Variants in RERE observed in about 807,000 individuals in gnomAD.
RERE encodes arginine-glutamic acid dipeptide repeats.
In RERE, 40 loss-of-function variants were observed where a neutral mutation model predicts 146.1. The observed-to-expected ratio is 0.27, with a 90% CI of 0.21 to 0.36. The LOEUF (loss-of-function observed/expected upper bound fraction) is 0.36. Ranked by LOEUF, RERE falls within the 10% of genes least tolerant of loss-of-function variation. The pLI, the probability that RERE is intolerant of heterozygous loss-of-function variation, is 1.00. For synonymous variants in RERE, 1,003 were observed against 866.0 expected (o/e 1.16, Z -2.78); for missense variants, 1,933 against 2,138.7 (o/e 0.90, Z 1.90).
At chr1:8,651,668 G>A (rs549179343) in intron 2 of RERE, among the ~76,000 whole-genome samples, 1 of 151,766 alleles carries the variant, frequency 6.6e-6, no homozygotes, top group Non-Finnish European at 1.5e-5. Context: ...CAAGGCTGCA[G>A]TGAGCTGTGA....
intron 4 of RERE, among the ~76,000 whole-genome samples, chr1:8,567,467 T>C (rs1002312183): frequency 6.6e-6 from 1 of 152,214 alleles, no homozygotes; most frequent in African/African-American, 2.4e-5. Context: ...TGGGCAATAA[T>C]TTCAAAACCA....
Position 8,352,896 on chromosome 1 carries a change from G to C in RERE, c.*2191C>G, listed in dbSNP as rs575919740. 2.4e-4 allele frequency: 37 copies of C among 152,714 alleles called. No individual in the cohort carries two copies. The highest frequency in any genetic ancestry group is 8.7e-4 in the African/African-American group (36 of 41,568). 9.5% of individuals were successfully genotyped at this position (152,714 alleles called of 1,614,324 possible). On this transcript the variant is annotated 3_prime_UTR_variant, in exon 23 of 23. Transcript: ENST00000400908. ...ACGGCTTTCAAGCACAGACCTCAGA[G>C]GACTCGACTCTTCTTTGGAAAAATG...
In RERE at chr1:8,365,729, C is replaced by T. The variant is rs534021942; in HGVS notation, c.1447+83G>A. The T allele has an allele frequency of 2.1e-5, 31 of 1,495,032 alleles. No individual in the cohort carries two copies. The South Asian group carries it at 3.5e-4, about 17-fold the overall frequency. 92.6% of individuals were successfully genotyped at this position (1,495,032 alleles called of 1,614,324 possible). On this transcript the variant is annotated intron_variant, in intron 13 of 22. Transcript: ENST00000400908. ...ACCCCCTCATGCTTCCCGGAGCCAT[C>T]AGCTCCTACGGGCCCAGAGTGGGAC...
intron 1 of RERE, among the ~76,000 whole-genome samples, chr1:8,785,260 A>G (rs1052084050): frequency 6.6e-6 from 1 of 152,228 alleles, no homozygotes; most frequent in African/African-American, 2.4e-5. Flanking sequence ...ATGGATTTTG[A>G]TAACAGCAGA....
chr1:8,524,322 G>C (rs572843404), intron 7 of RERE, among the ~76,000 whole-genome samples: 2 of 152,194 alleles, frequency 1.3e-5, no homozygotes, highest in East Asian at 1.9e-4. Context: ...TCCCAAAATT[G>C]AATCTGTAAG....
chr1:8,408,142 T>C (rs1643504524), intron 12 of RERE, among the ~76,000 whole-genome samples: 1 of 151,974 alleles, frequency 6.6e-6, no homozygotes, highest in South Asian at 2.1e-4. Flanking sequence ...AAAGTGACTC[T>C]ACTAGGTTGA....
chr1:8,607,534 C>CTTTTTTTTTTTTTTTTTTTTTA, intron 4 of RERE, among the ~76,000 whole-genome samples: 1 of 48,584 alleles, frequency 2.1e-5, no homozygotes. Flanking sequence ...ATATATATTT[C>CTTTTTTTTTTTTTTTTTTTTTA]TTTTTTTTTT....
chr1:8,735,423 T>C (rs1640175585), intron 1 of RERE, among the ~76,000 whole-genome samples: 1 of 152,248 alleles, frequency 6.6e-6, no homozygotes, highest in Non-Finnish European at 1.5e-5. Context: ...CACACACATA[T>C]ATGTACATCT....
chr1:8,456,803 GCT>G, intron 11 of RERE, among the ~76,000 whole-genome samples: 1 of 152,096 alleles, frequency 6.6e-6, no homozygotes, highest in Non-Finnish European at 1.5e-5. Context: ...TATCTGCAAG[GCT>G]AGCTTCCTCA....
At chr1:8,554,666 G>C (rs907011093) in intron 6 of RERE, among the ~76,000 whole-genome samples, 1 of 121,356 alleles carries the variant, frequency 8.2e-6, no homozygotes, top group Non-Finnish European at 1.6e-5. Flanking sequence ...ACAACAGAGC[G>C]AGATCCTGTC....
intron 20 of RERE, 29 bp downstream of exon 20, chr1:8,358,167 T>C: frequency 9.0e-6 from 14 of 1,563,316 alleles, no homozygotes; most frequent in Non-Finnish European, 1.1e-5. Context: ...CCCGTGCCTC[T>C]GTCCCACCTG....
At chr1:8,575,561 ATTTT>A (rs57463625) in intron 4 of RERE, among the ~76,000 whole-genome samples, 52 of 98,654 alleles carry the variant, frequency 5.3e-4, no homozygotes, top group African/African-American at 1.7e-3. Flanking sequence ...ATATATATAT[ATTTT>A]TTTTTTTTTT....
chr1:8,750,602 A>C (rs1640513013), intron 1 of RERE: 10 of 994,884 alleles, frequency 1.0e-5, no homozygotes, highest in Non-Finnish European at 1.4e-5. Context: ...GCACTATCAC[A>C]AGGAATATAG....
chr1:8,739,383 T>C (rs1347562423), intron 1 of RERE, among the ~76,000 whole-genome samples: 3 of 152,114 alleles, frequency 2.0e-5, no homozygotes, highest in Non-Finnish European at 4.4e-5. Flanking sequence ...GAAAGTTGTT[T>C]GTGGGAGAGT....
At chr1:8,509,340 G>A (rs2124301700) in intron 7 of RERE, among the ~76,000 whole-genome samples, 1 of 152,164 alleles carries the variant, frequency 6.6e-6, no homozygotes, top group Middle Eastern at 3.4e-3. Flanking sequence ...ATCTCAGGGT[G>A]CCCTACCATA....
chr1:8,634,026 G>C (rs1289495396), intron 2 of RERE, among the ~76,000 whole-genome samples: 1 of 152,072 alleles, frequency 6.6e-6, no homozygotes, highest in East Asian at 1.9e-4. Context: ...ATAACCACCA[G>C]GGTCACACAA....
At chr1:8,470,456 T>A (rs1429854889) in intron 10 of RERE, among the ~76,000 whole-genome samples, 2 of 151,974 alleles carry the variant, frequency 1.3e-5, no homozygotes, top group Non-Finnish European at 2.9e-5. Context: ...AGAGATGGGG[T>A]TTCGCCAAGT....
At chr1:8,552,979 C>T (rs947785179) in intron 6 of RERE, among the ~76,000 whole-genome samples, 3 of 151,592 alleles carry the variant, frequency 2.0e-5, no homozygotes, top group Non-Finnish European at 4.4e-5. Flanking sequence ...CATGACACCA[C>T]ACCAGTAGGC....
chr1:8,591,327 T>G (rs1646490253), intron 4 of RERE, among the ~76,000 whole-genome samples: 1 of 151,826 alleles, frequency 6.6e-6, no homozygotes, highest in South Asian at 2.1e-4. Flanking sequence ...AGAAAGATGG[T>G]GTAAAAGCAA....
Sources: allele counts gnomAD v4.1 joint callset (sites outside exome capture counted in the v4.1 genomes callset), GRCh38; gene constraint gnomAD v4.1.1; transcripts MANE v1.5; gene names NCBI Gene and HGNC (gene_info 2026-07-23, HGNC 2026-07-21).